MYL4: variants seen among roughly 807,000 people sequenced by gnomAD.
MYL4 encodes myosin light chain 4, also known as atrial myosin light chain 1.
Under a neutral mutation model 21.6 loss-of-function variants are expected in MYL4, and 16 were observed. The observed-to-expected ratio is 0.74, with a 90% CI of 0.50 to 1.12. The LOEUF is 1.12. Among genes scored for constraint, MYL4 ranks in the 50% most tolerant of loss-of-function variants. The pLI, the probability that MYL4 is intolerant of heterozygous loss-of-function variation, is 0.00. For synonymous variants in MYL4, 82 were observed against 95.7 expected (o/e 0.86, Z 0.83); for missense variants, 249 against 252.9 (o/e 0.98, Z 0.11).
chr17:47,206,153 A>T (rs2064727441), upstream of MYL4, among the ~76,000 whole-genome samples: 1 of 152,186 alleles, frequency 6.6e-6, no homozygotes, highest in South Asian at 2.1e-4. Flanking sequence ...CTAGATTAGA[A>T]AGTGGCAAAA....
chr17:47,226,797 G>T (rs572363744), downstream of MYL4, among the ~76,000 whole-genome samples: 5 of 152,316 alleles, frequency 3.3e-5, no homozygotes, highest in African/African-American at 4.8e-5. Context: ...CTAAGATGCT[G>T]CTCCGGCTCA....
chr17:47,221,719 G>A lies in MYL4; in HGVS notation c.351G>A (p.Leu117=), dbSNP rs756774414. 8 of 1,614,088 alleles carry A rather than the reference G, an allele frequency of 5.0e-6. No individual in the cohort carries two copies. The highest frequency in any genetic ancestry group is 2.2e-5 in the East Asian group (1 of 44,878). ...AGATGCTGGACTTTGAGACGTTCTT[G>A]CCCATCCTGCAGCACATTTCCCGCA... The part of the protein sequence containing the change: ...NVKMLDFETF[L]PILQHISRNK... Residue 117 remains leucine, a synonymous_variant, in exon 4 of 7, where the codon TTG becomes TTA. Transcript: ENST00000393450.
upstream of MYL4, among the ~76,000 whole-genome samples, chr17:47,199,470 G>A (rs551690526): frequency 1.3e-5 from 2 of 152,228 alleles, no homozygotes; most frequent in African/African-American, 4.8e-5. Flanking sequence ...ATAGGCATGA[G>A]CCACTGTGCC....
chr17:47,199,316 A>AC (rs35046384), upstream of MYL4, among the ~76,000 whole-genome samples: 2 of 143,638 alleles, frequency 1.4e-5, no homozygotes, highest in Non-Finnish European at 3.0e-5. Flanking sequence ...AAAAAAAAAA[A>AC]CCCCAGAAAA....
rs1162182826 is a variant in MYL4 at position 47,209,348 on chromosome 17, A to C, written c.-75A>C. 1.1e-5 allele frequency: 18 copies of C among 1,601,446 alleles called. No individual in the cohort carries two copies. The highest frequency in any genetic ancestry group is 1.4e-5 in the Non-Finnish European group (16 of 1,170,740). On this transcript the variant is annotated 5_prime_UTR_variant, in exon 1 of 7. Coordinates refer to ENST00000393450, the MANE Select transcript of MYL4 (RefSeq NM_002476.2). Reference sequence around the variant, plus strand: ...GGGAAGGGAGGCAGCCCAGGCTCCTATCTCATCTCCCAGACGCCACGTCTC... The same window carrying C: ...GGGAAGGGAGGCAGCCCAGGCTCCTCTCTCATCTCCCAGACGCCACGTCTC...
Position 47,222,202 on chromosome 17 carries a change from G to A in MYL4, c.488-178G>A, listed in dbSNP as rs929634704. 1.4e-5 allele frequency: 9 copies of A among 649,154 alleles called. No homozygotes were observed. In the South Asian group the frequency reaches 1.7e-4, roughly 12 times the overall value. The allele number at this position is 649,154 out of a possible 1,614,324, so 40.2% of individuals were successfully genotyped here. ...GCAGAGGGGGAGGCTTCGGAGACTA[G>A]GCAAGACCTTTAGACCCTTGGCCGC... On this transcript the variant is annotated intron_variant, in intron 4 of 6. Transcript: ENST00000393450.
chr17:47,196,298 A>G (rs2064688861), upstream of MYL4, among the ~76,000 whole-genome samples: 1 of 152,224 alleles, frequency 6.6e-6, no homozygotes, highest in Non-Finnish European at 1.5e-5. Context: ...GAGAGCCCTC[A>G]CCAGAATCTG....
intron 2 of MYL4, among the ~76,000 whole-genome samples, chr17:47,218,945 G>C (rs1383215122): frequency 6.6e-6 from 1 of 152,226 alleles, no homozygotes; most frequent in Non-Finnish European, 1.5e-5. Context: ...AAGTAGGAAA[G>C]AGAACTAGGA....
upstream of MYL4, chr17:47,200,311 T>C (rs1362664500): frequency 6.6e-6 from 1 of 152,126 alleles, no homozygotes; most frequent in Non-Finnish European, 1.5e-5. Flanking sequence ...ATTTAGGCTC[T>C]TTTTGCTTAC....
intron 2 of MYL4, among the ~76,000 whole-genome samples, chr17:47,217,963 AC>A (rs1052579649): frequency 1.3e-5 from 2 of 150,606 alleles, no homozygotes; most frequent in African/African-American, 4.9e-5. Context: ...AATCGCTTGA[AC>A]CGGGAGGCGG....
chr17:47,220,776 C>T (rs946190889), intron 3 of MYL4, among the ~76,000 whole-genome samples: 2 of 152,130 alleles, frequency 1.3e-5, no homozygotes, highest in African/African-American at 4.8e-5. Context: ...GTCATGTGTG[C>T]CAGTCAAGTT....
rs187011053 is a variant in MYL4 at position 47,211,800 on chromosome 17, G to A, written c.136-1999G>A. On this transcript the variant is annotated intron_variant, in intron 1 of 6. Transcript: ENST00000393450. The stretch of plus-strand genomic sequence containing the variant: ...ACAGCACAAGCAGCAGCAGAATTAG[G>A]ACTAGGAATGACGGCACTTGAAGAA... Among the ~76,000 whole-genome samples the A allele has an allele frequency of 2.0e-3, 298 of 150,658 alleles. 1 individual carries two copies. Among genetic ancestry groups the A allele is most frequent in the African/African-American group, 7.0e-3 (288 of 41,220 alleles).
chr17:47,223,345 G>A (rs930404232), intron 6 of MYL4, 164 bp from the exon 7 acceptor site: 6 of 394,400 alleles, frequency 1.5e-5, no homozygotes, highest in African/African-American at 1.2e-4. Context: ...GCTCCTGGGA[G>A]TGAGAAAGCC....
downstream of MYL4, among the ~76,000 whole-genome samples, chr17:47,226,771 G>A (rs1223279907): frequency 6.6e-6 from 1 of 152,214 alleles, no homozygotes; most frequent in Non-Finnish European, 1.5e-5. Flanking sequence ...CTCAGTGTGT[G>A]ACCTCTACAC....
chr17:47,192,698 C>T, the MYL4 span, among the ~76,000 whole-genome samples: 3 of 151,608 alleles, frequency 2.0e-5, no homozygotes, highest in African/African-American at 7.3e-5. Flanking sequence ...CAGGCTAATA[C>T]ATCTGTTGTG....
intron 3 of MYL4, 122 bp downstream of exon 3, chr17:47,220,175 C>T: frequency 4.9e-6 from 6 of 1,221,794 alleles, no homozygotes; most frequent in Non-Finnish European, 6.6e-6. Context: ...CCCTCAGGAC[C>T]AGCCTCACCT....
At chr17:47,216,111 C>T (rs8078080) in intron 2 of MYL4, among the ~76,000 whole-genome samples, 41,530 of 148,378 alleles carry the variant, frequency 0.28, 6,009 homozygotes, top group African/African-American at 0.34. Flanking sequence ...TTTTTTTTTT[C>T]CCCCTCATAG....
chr17:47,192,594 G>T, the MYL4 span, among the ~76,000 whole-genome samples: 3 of 151,800 alleles, frequency 2.0e-5, no homozygotes, highest in African/African-American at 7.3e-5. Context: ...AGCTTGCGGT[G>T]AGCTGAGATC....
Position 47,216,974 on chromosome 17 carries a change from G to A in MYL4, c.164-2930G>A, listed in dbSNP as rs545456454. ...CTCCCAAAGTACTGGGATTACAGGC[G>A]TGAGCCACTGTGCCTGGCACATCAT... On this transcript the variant is annotated intron_variant, in intron 2 of 6. Coordinates refer to ENST00000393450, the MANE Select transcript of MYL4 (RefSeq NM_002476.2). 2.0e-3 allele frequency among the ~76,000 whole-genome samples: 302 copies of A among 152,250 alleles called. 1 individual carries two copies. The highest frequency in any genetic ancestry group is 7.0e-3 in the African/African-American group (290 of 41,540).
Sources: allele counts gnomAD v4.1 joint callset (sites outside exome capture counted in the v4.1 genomes callset), GRCh38; gene constraint gnomAD v4.1.1; transcripts MANE v1.5; gene names NCBI Gene and HGNC (gene_info 2026-07-23, HGNC 2026-07-21).